Variants in GNAI3 observed in about 807,000 individuals in gnomAD.
GNAI3 encodes guanine nucleotide-binding protein G(i) subunit alpha-3.
In GNAI3, 12 loss-of-function variants were observed where a neutral mutation model predicts 41.8. The observed-to-expected ratio is 0.29, with a 90% CI of 0.18 to 0.47. GNAI3 has a LOEUF of 0.47. GNAI3 is among the 20% of genes least tolerant of loss of function. GNAI3 has a pLI of 1.00. For missense variants in GNAI3, 360 were observed against 429.6 expected (o/e 0.84, Z 1.43); for synonymous variants, 132 against 146.5 (o/e 0.90, Z 0.71).
chr1:109,583,504 C>A (rs559254132), intron 5 of GNAI3, among the ~76,000 whole-genome samples: 2 of 152,158 alleles, frequency 1.3e-5, no homozygotes, highest in African/African-American at 2.4e-5. Context: ...TGTGAGCCAC[C>A]GTGCCCAGCC....
At chr1:109,583,249 G>A (rs1337424556) in intron 5 of GNAI3, among the ~76,000 whole-genome samples, 9 of 152,148 alleles carry the variant, frequency 5.9e-5, no homozygotes, top group East Asian at 1.9e-4. Flanking sequence ...GTACTCTGTC[G>A]TCCAAGCTAG....
chr1:109,576,226 G>T (rs988060265), intron 3 of GNAI3, among the ~76,000 whole-genome samples: 1 of 151,774 alleles, frequency 6.6e-6, no homozygotes, highest in Non-Finnish European at 1.5e-5. Context: ...CTGCCACCAC[G>T]GCTGACTAAT....
chr1:109,563,846 A>G (rs2101094506), intron 1 of GNAI3, among the ~76,000 whole-genome samples: 1 of 140,038 alleles, frequency 7.1e-6, no homozygotes, highest in Non-Finnish European at 1.5e-5. Flanking sequence ...AGGGACACAC[A>G]GGTTGCTTCA....
At position 109,586,761 on chromosome 1, in the gene GNAI3, C is replaced by T. The variant is rs1343938370; in HGVS notation, c.753C>T (p.Asp251=). 2 of 1,603,490 alleles carry T rather than the reference C, an allele frequency of 1.2e-6. No homozygotes were observed. Among genetic ancestry groups the T allele is most frequent in the African/African-American group, 2.7e-5 (2 of 74,556 alleles). The change falls in exon 7 of 9, where the codon GAC becomes GAT. Residue 251 remains aspartate (D), a synonymous_variant. Coordinates refer to ENST00000369851, the MANE Select transcript of GNAI3 (RefSeq NM_006496.4). ...NRMHESMKLF[D]SICNNKWFTE... ...TGCATGAAAGCATGAAACTGTTTGA[C>T]AGCATTTGTAATAACAAATGGTTTA...
At position 109,580,570 on chromosome 1, in the gene GNAI3, A is replaced by G. The variant is rs1256497655; in HGVS notation, c.461+1209A>G. On this transcript the variant is annotated intron_variant, in intron 4 of 8. Transcript: ENST00000369851. ...TGTGAACATTGTAGAGTATGCGTAC[A>G]CAGAATTAGATGGTATAGCCTACTA... Among the ~76,000 whole-genome samples the G allele has an allele frequency of 3.3e-5, 5 of 152,246 alleles. No individual in the cohort carries two copies. In the East Asian group the frequency reaches 7.7e-4, roughly 23 times the overall value.
At position 109,586,297 on chromosome 1, in the gene GNAI3, T is replaced by G; in HGVS notation, c.672T>G (p.Cys224Trp). 6.2e-7 allele frequency: 1 copy of G among 1,613,552 alleles called. No individual in the cohort carries two copies. Among genetic ancestry groups the G allele is most frequent in the Non-Finnish European group, 8.5e-7 (1 of 1,179,550 alleles). Residue 224 changes from cysteine to tryptophan, a missense_variant, in exon 6 of 9, where the codon TGT becomes TGG. Physicochemically the swap from Cys to Trp is radical, Grantham distance 215. Transcript: ENST00000369851. Reference sequence around the variant, plus strand: ...AGGGAGTGACAGCAATTATCTTCTGTGTGGCCCTCAGTGATTATGACCTTG... The same window carrying G: ...AGGGAGTGACAGCAATTATCTTCTGGGTGGCCCTCAGTGATTATGACCTTG... Reference protein sequence around the residue: ...CFEGVTAIIFCVALSDYDLVL... With the variant: ...CFEGVTAIIFWVALSDYDLVL...
At chr1:109,558,028 T>C (rs1240930213) in intron 1 of GNAI3, among the ~76,000 whole-genome samples, 1 of 152,216 alleles carries the variant, frequency 6.6e-6, no homozygotes, top group Non-Finnish European at 1.5e-5. Context: ...ATTGAGGAAC[T>C]AAACATATCA....
At chr1:109,562,409 C>G (rs956311966) in intron 1 of GNAI3, among the ~76,000 whole-genome samples, 4 of 151,934 alleles carry the variant, frequency 2.6e-5, no homozygotes, top group Admixed American at 6.6e-5. Flanking sequence ...GGAACCAGTC[C>G]CCTGCGGATA....
chr1:109,569,838 T>TA (rs1402882730), intron 1 of GNAI3, among the ~76,000 whole-genome samples: 1 of 151,544 alleles, frequency 6.6e-6, no homozygotes, highest in African/African-American at 2.4e-5. Flanking sequence ...AGCGCATCCA[T>TA]AGGGTAGGAT....
At chr1:109,591,054 G>T (rs1007854026) in intron 7 of GNAI3, among the ~76,000 whole-genome samples, 1 of 152,178 alleles carries the variant, frequency 6.6e-6, no homozygotes, top group Non-Finnish European at 1.5e-5. Flanking sequence ...AGACAAGATG[G>T]TGTAAAAAGC....
intron 1 of GNAI3, among the ~76,000 whole-genome samples, chr1:109,559,055 G>T (rs1042496872): frequency 6.6e-6 from 1 of 152,068 alleles, no homozygotes. Flanking sequence ...GTGCGCACCT[G>T]TAATCCCAGC....
rs538293416 is a variant in GNAI3, at chr1:109,577,285, T to G, written c.304-1919T>G. Among the ~76,000 whole-genome samples, 47 of 150,996 alleles carry G rather than the reference T, an allele frequency of 3.1e-4. 1 individual carries two copies. The East Asian group carries it at 6.2e-3, about 20-fold the overall frequency. ...AGCTAAGGTGTTTTTTTTGTTTTTT[T>G]TTTTTTTTTGAGATGGAGTTTTGCT... On this transcript the variant is annotated intron_variant, in intron 3 of 8. Transcript: ENST00000369851.
chr1:109,573,896 A>T lies in GNAI3; in HGVS notation c.162A>T (p.Lys54Asn). 1 of 1,610,756 alleles carries T rather than the reference A, an allele frequency of 6.2e-7. No individual in the cohort carries two copies. The highest frequency in any genetic ancestry group is 8.5e-7 in the Non-Finnish European group (1 of 1,177,818). ...SGKSTIVKQM[K>N]IIHEDGYSED... ...ACTTGTGGTTTTCTTTGTTTTAAAGAATCATTCATGAGGATGGCTATTCAG... is the reference window on the plus strand; with the variant it reads ...ACTTGTGGTTTTCTTTGTTTTAAAGTATCATTCATGAGGATGGCTATTCAG... Residue 54 changes from lysine (K) to asparagine (N), a missense_variant and splice_region_variant, in exon 3 of 9, where the codon AAA becomes AAT. Transcript: ENST00000369851.
intron 7 of GNAI3, among the ~76,000 whole-genome samples, chr1:109,591,373 TC>T (rs1649166536): frequency 6.6e-6 from 1 of 152,146 alleles, no homozygotes; most frequent in Non-Finnish European, 1.5e-5. Flanking sequence ...ATAAGGGTAA[TC>T]AAAACACTAT....
At chr1:109,563,013 A>G (rs1489617888) in intron 1 of GNAI3, among the ~76,000 whole-genome samples, 1 of 152,192 alleles carries the variant, frequency 6.6e-6, no homozygotes, top group East Asian at 1.9e-4. Flanking sequence ...CATGTCATAT[A>G]TAAATACTAC....
intron 1 of GNAI3, among the ~76,000 whole-genome samples, chr1:109,554,337 A>G (rs1363088910): frequency 6.6e-6 from 1 of 152,156 alleles, no homozygotes; most frequent in Non-Finnish European, 1.5e-5. Context: ...ACTAGTTTAC[A>G]TTCCCACCAA....
intron 5 of GNAI3, among the ~76,000 whole-genome samples, chr1:109,583,747 AT>A (rs35202006): frequency 0.071 from 9,787 of 137,230 alleles, 803 homozygotes; most frequent in African/African-American, 0.21. Flanking sequence ...CGCCCGGCTA[AT>A]TTTTTTTTTT....
chr1:109,598,241 CCTGTT>C lies in GNAI3; in HGVS notation c.*5925_*5929del, dbSNP rs996278419. On this transcript the variant is annotated 3_prime_UTR_variant, in exon 9 of 9. Transcript: ENST00000369851. ...AGATACAACAAAACACAAGAAATCA[CCTGTT>C]CTGTTTATTCTTGCTCATGTAGGAT... 5.3e-5 allele frequency: 8 copies of C among 152,152 alleles called. No individual in the cohort carries two copies. The highest frequency in any genetic ancestry group is 1.9e-4 in the African/African-American group (8 of 41,408). 9.4% of individuals were successfully genotyped at this position (152,152 alleles called of 1,614,324 possible).
intron 1 of GNAI3, among the ~76,000 whole-genome samples, chr1:109,556,210 G>A (rs550820930): frequency 5.7e-4 from 86 of 151,858 alleles, no homozygotes; most frequent in South Asian, 2.1e-3. Flanking sequence ...TGCCACCACC[G>A]TTGGCTAATT....
Sources: allele counts gnomAD v4.1 joint callset (sites outside exome capture counted in the v4.1 genomes callset), GRCh38; gene constraint gnomAD v4.1.1; transcripts MANE v1.5; gene names NCBI Gene and HGNC (gene_info 2026-07-23, HGNC 2026-07-21).